The following CALN1 variants were observed in gnomAD, a reference collection of about 807,000 sequenced individuals.
CALN1 encodes the protein calcium-binding protein 8.
Under a neutral mutation model 30.6 loss-of-function variants are expected in CALN1, and 17 were observed. The observed-to-expected ratio is 0.56, with a 90% CI of 0.38 to 0.83. The LOEUF (loss-of-function observed/expected upper bound fraction) is 0.83, where lower values mean the gene tolerates loss of function less well. Among genes scored for constraint, CALN1 ranks in the 40% least tolerant of loss-of-function variants. The pLI is 0.00. For missense variants in CALN1, 291 were observed against 354.9 expected, an observed-to-expected ratio of 0.82 and a Z score of 1.45; for synonymous variants, 156 against 131.4, an observed-to-expected ratio of 1.19 and a Z score of -1.28.
chr7:72,181,487 T>TC (rs944403314), intron 3 of CALN1, among the ~76,000 whole-genome samples: 1 of 3,768 alleles, frequency 2.7e-4, no homozygotes, highest in Admixed American at 7.1e-3. Flanking sequence ...TTTCCATAAC[T>TC]TTTTTTTTTT....
chr7:71,870,903 C>G (rs1371180849), intron 5 of CALN1, among the ~76,000 whole-genome samples: 1 of 152,150 alleles, frequency 6.6e-6, no homozygotes, highest in Non-Finnish European at 1.5e-5. Context: ...ACTTTTAATG[C>G]TTATTCTATT....
chr7:72,237,859 C>T (rs184518850), intron 3 of CALN1, among the ~76,000 whole-genome samples: 238 of 152,248 alleles, frequency 1.6e-3, no homozygotes, highest in Admixed American at 5.1e-3. Context: ...CAAGGAGTGC[C>T]CCAGAAATGT....
intron 2 of CALN1, among the ~76,000 whole-genome samples, chr7:72,376,402 G>T (rs1396027741): frequency 6.6e-6 from 1 of 152,164 alleles, no homozygotes; most frequent in Non-Finnish European, 1.5e-5. Flanking sequence ...TGTTGCTGTT[G>T]TTATCACCAA....
At chr7:72,244,648 G>A (rs937225670) in intron 3 of CALN1, among the ~76,000 whole-genome samples, 14 of 151,228 alleles carry the variant, frequency 9.3e-5, no homozygotes, top group African/African-American at 3.4e-4. Context: ...TTCCATAAAG[G>A]ATGTGGCAAT....
chr7:72,100,577 G>A (rs932835153), intron 4 of CALN1, among the ~76,000 whole-genome samples: 2 of 152,032 alleles, frequency 1.3e-5, no homozygotes, highest in Non-Finnish European at 2.9e-5. Flanking sequence ...CCAGAACTTT[G>A]GGAGGCCGAG....
intron 1 of CALN1, among the ~76,000 whole-genome samples, chr7:72,421,573 CTTTT>C (rs772198450): frequency 1.5e-4 from 9 of 58,616 alleles, no homozygotes; most frequent in African/African-American, 5.9e-4. Context: ...TTTTATCCTA[CTTTT>C]TTTTTTTTTT....
At chr7:72,147,289 C>T (rs1421762830) in intron 3 of CALN1, among the ~76,000 whole-genome samples, 1 of 152,020 alleles carries the variant, frequency 6.6e-6, no homozygotes, top group Non-Finnish European at 1.5e-5. Flanking sequence ...ACAACCCCAT[C>T]AACAAGTGGG....
At chr7:71,914,184 C>G (rs922315563) in intron 5 of CALN1, among the ~76,000 whole-genome samples, 1 of 152,092 alleles carries the variant, frequency 6.6e-6, no homozygotes, top group Non-Finnish European at 1.5e-5. Flanking sequence ...AATTATTTTT[C>G]CTGATCCTCT....
intron 5 of CALN1, among the ~76,000 whole-genome samples, chr7:72,021,398 A>G (rs1205243325): frequency 6.6e-6 from 1 of 152,166 alleles, no homozygotes; most frequent in African/African-American, 2.4e-5. Flanking sequence ...GTGGACCTCC[A>G]TGGGTCAAAA....
intron 5 of CALN1, among the ~76,000 whole-genome samples, chr7:72,004,486 T>TA (rs1799673004): frequency 6.6e-6 from 1 of 152,196 alleles, no homozygotes. Flanking sequence ...GCAGAGTTCT[T>TA]AGACTTGACA....
chr7:72,163,927 G>A (rs1454441352), intron 3 of CALN1, among the ~76,000 whole-genome samples: 1 of 151,580 alleles, frequency 6.6e-6, no homozygotes, highest in Non-Finnish European at 1.5e-5. Flanking sequence ...CCACAAACAA[G>A]ATAAAGGCAA....
At chr7:71,804,962 AT>A (rs1374495143) in intron 6 of CALN1, among the ~76,000 whole-genome samples, 37 of 152,308 alleles carry the variant, frequency 2.4e-4, no homozygotes, top group Admixed American at 6.5e-4. Flanking sequence ...TATAAAAAAA[AT>A]ATAAATAAAA....
chr7:71,848,893 T>C (rs561319777), intron 5 of CALN1, among the ~76,000 whole-genome samples: 23 of 152,240 alleles, frequency 1.5e-4, no homozygotes, highest in African/African-American at 5.5e-4. Flanking sequence ...ACTTTTTAAA[T>C]TTTTACTCCT....
At position 72,412,313 on chromosome 7, in the gene CALN1, A is replaced by C. The variant is rs932829656; in HGVS notation, c.-329T>G. The C allele has an allele frequency of 3.9e-5, 6 of 152,028 alleles. No homozygotes were observed. The highest frequency in any genetic ancestry group is 8.8e-5 in the Non-Finnish European group (6 of 68,030). 9.4% of individuals were successfully genotyped at this position (152,028 alleles called of 1,614,324 possible). ...GCAGGAAAGAAAAAAACACAAACTC[A>C]AGCGGATAGCACCCCAGCGAGCTTC... On this transcript the variant is annotated 5_prime_UTR_variant, in exon 1 of 7. Transcript: ENST00000395275.
the CALN1 span, among the ~76,000 whole-genome samples, chr7:72,461,860 T>C: frequency 6.6e-6 from 1 of 151,908 alleles, no homozygotes; most frequent in African/African-American, 2.4e-5. Context: ...ATACAAAAAT[T>C]AGCCCAGCAT....
rs1802951122 is a variant in CALN1, at chr7:72,053,208, T to C, written c.389-29439A>G. Among the ~76,000 whole-genome samples the C allele has an allele frequency of 3.9e-5, 6 of 152,232 alleles. No homozygotes were observed. In the South Asian group the frequency reaches 1.2e-3, roughly 32 times the overall value. On this transcript the variant is annotated intron_variant, in intron 4 of 6. Coordinates refer to ENST00000395275, the MANE Select transcript of CALN1 (RefSeq NM_031468.4). The stretch of plus-strand genomic sequence containing the variant: ...TCTCACCACTGCACTCCAGCCTGGG[T>C]GACAGAGCGAGACTCTGTCTCAAAA...
At chr7:72,312,538 T>C (rs1467042237) in intron 2 of CALN1, among the ~76,000 whole-genome samples, 1 of 152,110 alleles carries the variant, frequency 6.6e-6, no homozygotes, top group African/African-American at 2.4e-5. Flanking sequence ...AAAATTGGGT[T>C]GCAGGTGAGC....
intron 2 of CALN1, among the ~76,000 whole-genome samples, chr7:72,279,101 G>A (rs1797558678): frequency 6.6e-6 from 1 of 151,974 alleles, no homozygotes; most frequent in Non-Finnish European, 1.5e-5. Flanking sequence ...CATCACCATC[G>A]AACTATCTCT....
intron 2 of CALN1, among the ~76,000 whole-genome samples, chr7:72,371,796 A>AG (rs1804258174): frequency 1.3e-5 from 2 of 152,382 alleles, no homozygotes; most frequent in South Asian, 4.1e-4. Flanking sequence ...ATCTTAGTCC[A>AG]GGAATCAATT....
Sources: allele counts gnomAD v4.1 joint callset (sites outside exome capture counted in the v4.1 genomes callset), GRCh38; gene constraint gnomAD v4.1.1; transcripts MANE v1.5; gene names NCBI Gene and HGNC (gene_info 2026-07-23, HGNC 2026-07-21).